The following DCAF17 variants were observed in gnomAD, a reference collection of about 807,000 sequenced individuals.
The protein encoded by DCAF17 is DDB1 and CUL4 associated factor 17, also known as DDB1- and CUL4-associated factor 17.
DCAF17 carries 48 observed loss-of-function variants against 66.0 expected under a neutral mutation model. That is an observed-to-expected ratio of 0.73 (90% confidence interval 0.58 to 0.92). DCAF17 has a LOEUF of 0.92. DCAF17 is among the 40% of genes least tolerant of loss of function. DCAF17 has a pLI of 0.00. For missense variants in DCAF17, 562 were observed against 622.8 expected, an observed-to-expected ratio of 0.90 and a Z score of 1.04; for synonymous variants, 206 against 214.6, an observed-to-expected ratio of 0.96 and a Z score of 0.35.
At chr2:171,452,689 C>A (rs940068557) in intron 5 of DCAF17, among the ~76,000 whole-genome samples, 1 of 152,160 alleles carries the variant, frequency 6.6e-6, no homozygotes, top group Non-Finnish European at 1.5e-5. Flanking sequence ...GTCTCAGACT[C>A]CTAGCCTCAA....
intron 2 of DCAF17, among the ~76,000 whole-genome samples, 167 bp downstream of exon 2, chr2:171,435,353 A>G (rs986120190): frequency 1.3e-5 from 2 of 152,198 alleles, no homozygotes; most frequent in Non-Finnish European, 2.9e-5. Flanking sequence ...AAATCTTGTT[A>G]AATCTAAAGT....
Position 171,453,138 on chromosome 2 carries a change from A to G in DCAF17, c.552A>G (p.Gln184=). Residue 184 remains glutamine, a synonymous_variant, in exon 6 of 14, where the codon CAA becomes CAG. Transcript: ENST00000375255. The part of the protein sequence containing the change: ...SAVARQAGIQ[Q]HVLLYLAVFR... Reference sequence around the variant, plus strand: ...TTTCCTTCTAGGCAGGCATTCAACAACATGTTTTGCTGTACCTTGCAGTGT... The same window carrying G: ...TTTCCTTCTAGGCAGGCATTCAACAGCATGTTTTGCTGTACCTTGCAGTGT... 1 of 1,608,412 alleles carries G rather than the reference A, an allele frequency of 6.2e-7. No individual in the cohort carries two copies.
intron 6 of DCAF17, among the ~76,000 whole-genome samples, chr2:171,457,250 T>A (rs190274353): frequency 6.6e-6 from 1 of 152,222 alleles, no homozygotes; most frequent in Admixed American, 6.5e-5. Flanking sequence ...CTTATTACAG[T>A]CTACAACAGA....
chr2:171,467,383 T>G (rs1049762155), intron 8 of DCAF17, among the ~76,000 whole-genome samples: 12 of 152,128 alleles, frequency 7.9e-5, no homozygotes, highest in Non-Finnish European at 1.6e-4. Context: ...CTATTAGTAG[T>G]TAAGTTTTGG....
intron 3 of DCAF17, 103 bp downstream of exon 3, chr2:171,443,716 G>A: frequency 1.1e-6 from 1 of 889,926 alleles, no homozygotes; most frequent in Non-Finnish European, 1.8e-6. Context: ...AAATATCATA[G>A]TGACTCTTGC....
chr2:171,445,824 A>G (rs1176923569), intron 3 of DCAF17, among the ~76,000 whole-genome samples: 1 of 152,152 alleles, frequency 6.6e-6, no homozygotes, highest in Non-Finnish European at 1.5e-5. Flanking sequence ...CTGGGACTAC[A>G]GGTGTGCACC....
At chr2:171,454,971 C>CTT (rs997587973) in intron 6 of DCAF17, among the ~76,000 whole-genome samples, 1 of 143,728 alleles carries the variant, frequency 7.0e-6, no homozygotes, top group African/African-American at 2.5e-5. Context: ...TATATATTTT[C>CTT]TTTTTTTTTT....
At chr2:171,446,679 G>C (rs1222562211) in intron 3 of DCAF17, among the ~76,000 whole-genome samples, 1 of 152,098 alleles carries the variant, frequency 6.6e-6, no homozygotes, top group African/African-American at 2.4e-5. Context: ...AGGTTTCCAG[G>C]GGAAAAGAGC....
chr2:171,448,882 A>G, intron 4 of DCAF17, 65 bp downstream of exon 4: 3 of 1,463,800 alleles, frequency 2.0e-6, no homozygotes, highest in Non-Finnish European at 2.8e-6. Flanking sequence ...GGCCCATGAA[A>G]TTTCAAGCCT....
chr2:171,460,205 C>A (rs968257037), intron 8 of DCAF17, among the ~76,000 whole-genome samples: 2 of 151,580 alleles, frequency 1.3e-5, no homozygotes, highest in Non-Finnish European at 2.9e-5. Context: ...CACCTGTAAT[C>A]CCAGCTACTT....
chr2:171,482,071 T>C lies in DCAF17; in HGVS notation c.*957T>C. Reference sequence around the variant, plus strand: ...TTTTGGCTTACTTATGGAACAAGCATTATTTCTTCTTTGTTAGGAAAGATC... The same window carrying C: ...TTTTGGCTTACTTATGGAACAAGCACTATTTCTTCTTTGTTAGGAAAGATC... On this transcript the variant is annotated 3_prime_UTR_variant, in exon 14 of 14. Coordinates refer to ENST00000375255, the MANE Select transcript of DCAF17 (RefSeq NM_025000.4). 1 of 453,534 alleles carries C rather than the reference T, an allele frequency of 2.2e-6. No homozygotes were observed. The highest frequency in any genetic ancestry group is 1.6e-5 in the South Asian group (1 of 64,272). 28.1% of individuals were successfully genotyped at this position (453,534 alleles called of 1,614,324 possible).
At chr2:171,461,640 G>T (rs898930549) in intron 8 of DCAF17, among the ~76,000 whole-genome samples, 1 of 152,068 alleles carries the variant, frequency 6.6e-6, no homozygotes, top group African/African-American at 2.4e-5. Flanking sequence ...TAACTCACTT[G>T]TTAAGAAATC....
rs773362482 is a variant in DCAF17 at position 171,449,924 on chromosome 2, A to C, written c.504A>C (p.Ser168=). The stretch of plus-strand genomic sequence containing the variant: ...CTCAAGAAGTCATTGCAGTTAAGTC[A>C]GCTCAGAACAGAGGCTCAGCAGTGG... ...DTPQEVIAVK[S]AQNRGSAVAR... The change falls in exon 5 of 14, where the codon TCA becomes TCC. Residue 168 remains serine, a synonymous_variant. Coordinates refer to ENST00000375255, the MANE Select transcript of DCAF17 (RefSeq NM_025000.4). 7 of 1,613,884 alleles carry C rather than the reference A, an allele frequency of 4.3e-6. No homozygotes were observed. The East Asian group carries it at 1.6e-4, about 36-fold the overall frequency.
chr2:171,435,235 T>A, intron 2 of DCAF17, 49 bp downstream of exon 2: 2 of 1,370,596 alleles, frequency 1.5e-6, no homozygotes, highest in Non-Finnish European at 2.1e-6. Flanking sequence ...CTGTTGATCT[T>A]AACTATAATT....
At chr2:171,439,679 A>T (rs1694189296) in intron 2 of DCAF17, among the ~76,000 whole-genome samples, 1 of 151,738 alleles carries the variant, frequency 6.6e-6, no homozygotes, top group Admixed American at 6.6e-5. Flanking sequence ...CTGTAATCTC[A>T]CACTTTGGGA....
At chr2:171,472,206 G>T (rs1277971161) in intron 9 of DCAF17, among the ~76,000 whole-genome samples, 1 of 151,958 alleles carries the variant, frequency 6.6e-6, no homozygotes, top group Non-Finnish European at 1.5e-5. Context: ...TTGAGACAGG[G>T]TTTTACTCTG....
intron 5 of DCAF17, among the ~76,000 whole-genome samples, chr2:171,451,391 ATC>A (rs1002134621): frequency 1.3e-5 from 2 of 151,980 alleles, no homozygotes; most frequent in Admixed American, 1.3e-4. Flanking sequence ...GAGAGATGCT[ATC>A]TCTCTCTTAG....
intron 7 of DCAF17, 33 bp from the exon 8 acceptor site, chr2:171,458,339 A>G (rs1695379561): frequency 6.4e-7 from 1 of 1,568,714 alleles, no homozygotes; most frequent in South Asian, 1.1e-5. Flanking sequence ...AATAGGTGCT[A>G]AAGCCACCAT....
intron 6 of DCAF17, among the ~76,000 whole-genome samples, chr2:171,456,179 T>G (rs189426365): frequency 6.6e-6 from 1 of 152,342 alleles, no homozygotes; most frequent in East Asian, 1.9e-4. Flanking sequence ...CATCTTGAGT[T>G]AATTTTTGCG....
Sources: allele counts gnomAD v4.1 joint callset (sites outside exome capture counted in the v4.1 genomes callset), GRCh38; gene constraint gnomAD v4.1.1; transcripts MANE v1.5; gene names NCBI Gene and HGNC (gene_info 2026-07-23, HGNC 2026-07-21).